Variants in PHYHIPL observed in about 807,000 individuals in gnomAD.
PHYHIPL encodes the protein phytanoyl-CoA 2-hydroxylase interacting protein like.
Under a neutral mutation model 33.4 loss-of-function variants are expected in PHYHIPL, and 9 were observed. The ratio of observed to expected loss-of-function variants is 0.27; its 90% CI spans 0.16 to 0.47. The LOEUF is 0.47. Among genes scored for constraint, PHYHIPL ranks in the 20% least tolerant of loss-of-function variants. The probability of loss-of-function intolerance (pLI) is 0.99; values close to 1 mark genes in which losing one functional copy is unlikely to be tolerated. For missense variants in PHYHIPL, 365 were observed against 460.7 expected (o/e 0.79, Z 1.90); for synonymous variants, 153 against 154.1 (o/e 0.99, Z 0.05).
intron 1 of PHYHIPL, among the ~76,000 whole-genome samples, chr10:59,178,135 T>C (rs1838304364): frequency 6.6e-6 from 1 of 152,076 alleles, no homozygotes; most frequent in South Asian, 2.1e-4. Context: ...TCAGCACGTT[T>C]ATATCAAGCA....
At chr10:59,207,855 C>T (rs1373027629) in intron 1 of PHYHIPL, among the ~76,000 whole-genome samples, 2 of 150,296 alleles carry the variant, frequency 1.3e-5, no homozygotes, top group East Asian at 2.0e-4. Flanking sequence ...TGCACCACTG[C>T]ACTCCAGCCT....
At chr10:59,203,991 A>G (rs542871119) in intron 1 of PHYHIPL, among the ~76,000 whole-genome samples, 15 of 152,306 alleles carry the variant, frequency 9.8e-5, no homozygotes, top group African/African-American at 3.4e-4. Flanking sequence ...TCCGTTTACT[A>G]GAAAGGGAGT....
intron 1 of PHYHIPL, among the ~76,000 whole-genome samples, chr10:59,201,598 A>G (rs890434028): frequency 2.6e-5 from 4 of 152,136 alleles, no homozygotes; most frequent in Non-Finnish European, 5.9e-5. Context: ...GCTGAGTTCA[A>G]GATCTCTTCA....
At chr10:59,223,710 G>C (rs1839841253) in intron 1 of PHYHIPL, among the ~76,000 whole-genome samples, 1 of 151,874 alleles carries the variant, frequency 6.6e-6, no homozygotes, top group African/African-American at 2.4e-5. Flanking sequence ...CAAGGCTAGA[G>C]TTCAGTGGCA....
intron 1 of PHYHIPL, among the ~76,000 whole-genome samples, chr10:59,207,487 C>T (rs1224559522): frequency 6.6e-6 from 1 of 152,184 alleles, no homozygotes; most frequent in African/African-American, 2.4e-5. Context: ...ACAGTGTAAA[C>T]AAAGCCACCA....
At chr10:59,221,488 G>A (rs1839774542) in intron 1 of PHYHIPL, among the ~76,000 whole-genome samples, 1 of 152,130 alleles carries the variant, frequency 6.6e-6, no homozygotes, top group South Asian at 2.1e-4. Flanking sequence ...GTTTACTAGT[G>A]CTTCGGTTCA....
intron 1 of PHYHIPL, among the ~76,000 whole-genome samples, chr10:59,220,968 A>C (rs1839754327): frequency 2.6e-5 from 4 of 152,154 alleles, no homozygotes; most frequent in African/African-American, 9.6e-5. Context: ...GTGCTTAATA[A>C]ATGTTCCTAT....
At chr10:59,237,378 C>T (rs1440906813) in intron 3 of PHYHIPL, among the ~76,000 whole-genome samples, 1 of 151,904 alleles carries the variant, frequency 6.6e-6, no homozygotes, top group Non-Finnish European at 1.5e-5. Context: ...TACCATATCT[C>T]TACCTGAGTA....
intron 4 of PHYHIPL, among the ~76,000 whole-genome samples, chr10:59,242,423 T>A (rs1239327089): frequency 1.0e-5 from 1 of 95,676 alleles, no homozygotes; most frequent in Admixed American, 8.5e-5. Flanking sequence ...TGGTAGATAG[T>A]CAGGAGGAGG....
intron 1 of PHYHIPL, among the ~76,000 whole-genome samples, chr10:59,229,024 T>C (rs1840004726): frequency 6.6e-6 from 1 of 152,170 alleles, no homozygotes; most frequent in Non-Finnish European, 1.5e-5. Context: ...GTTAGATATG[T>C]TCTATTACAG....
chr10:59,193,691 G>C (rs1448059234), intron 1 of PHYHIPL, among the ~76,000 whole-genome samples: 1 of 151,808 alleles, frequency 6.6e-6, no homozygotes, highest in Non-Finnish European at 1.5e-5. Flanking sequence ...TAATAAATAT[G>C]GTTTTTTAGT....
At chr10:59,184,504 C>T (rs1838508675) in intron 1 of PHYHIPL, among the ~76,000 whole-genome samples, 1 of 152,020 alleles carries the variant, frequency 6.6e-6, no homozygotes, top group Non-Finnish European at 1.5e-5. Flanking sequence ...GCGAGTCAGG[C>T]AGAGAGATGT....
intron 1 of PHYHIPL, among the ~76,000 whole-genome samples, chr10:59,190,068 A>G (rs2436577): frequency 0.012 from 1,836 of 152,104 alleles, 39 homozygotes; most frequent in African/African-American, 0.042. Context: ...GTAATAAGTA[A>G]AAGTAGCATT....
intron 1 of PHYHIPL, among the ~76,000 whole-genome samples, chr10:59,222,453 A>C (rs949517438): frequency 1.5e-4 from 23 of 152,046 alleles, no homozygotes; most frequent in African/African-American, 5.1e-4. Context: ...GAAATAATAC[A>C]CCAAGCAGGG....
chr10:59,240,854 T>C (rs1840375836), intron 4 of PHYHIPL, among the ~76,000 whole-genome samples: 1 of 152,076 alleles, frequency 6.6e-6, no homozygotes, highest in South Asian at 2.1e-4. Context: ...CCTTTAGTAA[T>C]CTAAAGTTTG....
intron 1 of PHYHIPL, chr10:59,219,368 C>G: frequency 5.3e-6 from 2 of 373,836 alleles, no homozygotes; most frequent in Non-Finnish European, 7.4e-6. Flanking sequence ...AATAAGTTTC[C>G]TATAATAAAA....
In PHYHIPL at chr10:59,176,693, G is replaced by T. The variant is rs1838259724; in HGVS notation, c.-161G>T. On this transcript the variant is annotated 5_prime_UTR_variant, in exon 1 of 5. Transcript: ENST00000373880. Reference sequence around the variant, plus strand: ...TGCCACAGCCGTCGCCTTCGCGGCGGCTCTCCAGCCCCGCGCCTCAGCCTC... The same window carrying T: ...TGCCACAGCCGTCGCCTTCGCGGCGTCTCTCCAGCCCCGCGCCTCAGCCTC... 3.3e-6 allele frequency: 2 copies of T among 615,084 alleles called. No individual in the cohort carries two copies. The highest frequency in any genetic ancestry group is 5.5e-6 in the Non-Finnish European group (2 of 362,462). 38.1% of individuals were successfully genotyped at this position (615,084 alleles called of 1,614,324 possible).
At position 59,186,133 on chromosome 10, in the gene PHYHIPL, A is replaced by G. The variant is rs1009622247; in HGVS notation, c.106+9174A>G. On this transcript the variant is annotated intron_variant, in intron 1 of 4. Coordinates refer to ENST00000373880, the MANE Select transcript of PHYHIPL (RefSeq NM_032439.4). ...TTAAGTCTTTAATCCATCTTGAATT[A>G]ATTTTTGTATAAGGTGTAAGGAAGG... is the stretch of plus-strand genomic sequence containing the variant. 9.5e-3 allele frequency among the ~76,000 whole-genome samples: 1,441 copies of G among 152,230 alleles called. 26 individuals carry two copies. Among genetic ancestry groups the G allele is most frequent in the African/African-American group, 0.033 (1,352 of 41,534 alleles).
intron 1 of PHYHIPL, among the ~76,000 whole-genome samples, chr10:59,207,550 A>G (rs1839320884): frequency 6.6e-6 from 1 of 152,204 alleles, no homozygotes; most frequent in African/African-American, 2.4e-5. Flanking sequence ...CGCTGTAGCC[A>G]GACTACCTCT....
Sources: allele counts gnomAD v4.1 joint callset (sites outside exome capture counted in the v4.1 genomes callset), GRCh38; gene constraint gnomAD v4.1.1; transcripts MANE v1.5; gene names NCBI Gene and HGNC (gene_info 2026-07-23, HGNC 2026-07-21).